CYP2J2: variants seen among roughly 807,000 people sequenced by gnomAD.
CYP2J2 encodes cytochrome P450 2J2.
A neutral mutation model predicts 48.8 loss-of-function variants in CYP2J2; 41 were observed. The ratio of observed to expected loss-of-function variants is 0.84; its 90% CI spans 0.66 to 1.09. CYP2J2 has a LOEUF of 1.09. CYP2J2 is among the 50% of genes least tolerant of loss of function. The pLI, the probability that CYP2J2 is intolerant of heterozygous loss-of-function variation, is 0.00. For missense variants in CYP2J2, 644 were observed against 617.3 expected (o/e 1.04, Z -0.46); for synonymous variants, 221 against 227.1 (o/e 0.97, Z 0.24).
intron 8 of CYP2J2, among the ~76,000 whole-genome samples, chr1:59,895,825 T>A (rs1385255236): frequency 6.6e-6 from 1 of 152,216 alleles, no homozygotes; most frequent in African/African-American, 2.4e-5. Flanking sequence ...TCGCGATTTT[T>A]AAAATTCTGT....
At chr1:59,932,209 A>G in the CYP2J2 span, among the ~76,000 whole-genome samples, 2 of 152,134 alleles carry the variant, frequency 1.3e-5, no homozygotes, top group African/African-American at 2.4e-5. Context: ...AGGCTAATCT[A>G]TACAGGTATG....
chr1:59,913,499 A>G (rs1455044011), intron 2 of CYP2J2, among the ~76,000 whole-genome samples: 3 of 152,148 alleles, frequency 2.0e-5, no homozygotes, highest in Non-Finnish European at 4.4e-5. Context: ...CTTTTCACCC[A>G]TGCCCAACTA....
chr1:59,902,289 T>A (rs999676592), intron 7 of CYP2J2, among the ~76,000 whole-genome samples: 2 of 152,210 alleles, frequency 1.3e-5, no homozygotes, highest in African/African-American at 4.8e-5. Flanking sequence ...TGTACTTGCA[T>A]GATTACTTTT....
chr1:59,961,906 T>C, the CYP2J2 span, among the ~76,000 whole-genome samples: 13 of 152,262 alleles, frequency 8.5e-5, no homozygotes, highest in Non-Finnish European at 1.8e-4. Context: ...AGGCCACATA[T>C]AGTATGATTG....
chr1:59,903,398 G>A (rs969622970), intron 7 of CYP2J2, among the ~76,000 whole-genome samples: 3 of 152,182 alleles, frequency 2.0e-5, no homozygotes, highest in Non-Finnish European at 4.4e-5. Flanking sequence ...CGAATGGAGT[G>A]ACATCAGAAT....
chr1:59,965,899 G>T, the CYP2J2 span, among the ~76,000 whole-genome samples: 12 of 152,050 alleles, frequency 7.9e-5, no homozygotes, highest in Non-Finnish European at 1.6e-4. Flanking sequence ...TGATCCACCT[G>T]CCTCAGCCTC....
chr1:59,903,014 A>G (rs1644334282), intron 7 of CYP2J2, among the ~76,000 whole-genome samples: 2 of 152,360 alleles, frequency 1.3e-5, no homozygotes, highest in South Asian at 4.1e-4. Flanking sequence ...AAAAATCAGC[A>G]GCAGCAGAAG....
the CYP2J2 span, among the ~76,000 whole-genome samples, chr1:59,933,068 T>G: frequency 6.6e-6 from 1 of 152,200 alleles, no homozygotes; most frequent in Non-Finnish European, 1.5e-5. Flanking sequence ...AAATGAATGA[T>G]GCAATGTTAC....
chr1:59,934,989 G>GATATATATATATATATATATATACACAT, the CYP2J2 span, among the ~76,000 whole-genome samples: 2 of 58,390 alleles, frequency 3.4e-5, no homozygotes, highest in Non-Finnish European at 6.9e-5. Context: ...AAGAAAATGG[G>GATATATATATATATATATATATACACAT]ATATATATAT....
At chr1:59,916,213 CTGTG>C (rs1174619086) in intron 1 of CYP2J2, 113 bp from the exon 2 acceptor site, 2 of 847,890 alleles carry the variant, frequency 2.4e-6, no homozygotes, top group African/African-American at 1.7e-5. Context: ...GTGTCTGTGT[CTGTG>C]TGTGTACGTG....
chr1:59,931,481 A>G (rs61790300), upstream of CYP2J2, among the ~76,000 whole-genome samples: 5 of 152,158 alleles, frequency 3.3e-5, no homozygotes, highest in Non-Finnish European at 1.5e-5. Context: ...TTTTTTTTAA[A>G]TTAAAGCACA....
At chr1:59,901,468 C>T (rs1159888353) in intron 7 of CYP2J2, among the ~76,000 whole-genome samples, 1 of 152,174 alleles carries the variant, frequency 6.6e-6, no homozygotes, top group Non-Finnish European at 1.5e-5. Context: ...AAAACCAGCC[C>T]AGCTGCTCAG....
intron 8 of CYP2J2, among the ~76,000 whole-genome samples, chr1:59,897,302 G>T (rs1007400877): frequency 6.6e-6 from 1 of 152,184 alleles, no homozygotes; most frequent in African/African-American, 2.4e-5. Flanking sequence ...CAGGGTTAAA[G>T]AACTGGCTTC....
At chr1:59,960,561 G>T in the CYP2J2 span, among the ~76,000 whole-genome samples, 97 of 152,302 alleles carry the variant, frequency 6.4e-4, no homozygotes, top group African/African-American at 2.2e-3. Flanking sequence ...CATATTTTTG[G>T]AATGAATACT....
the CYP2J2 span, among the ~76,000 whole-genome samples, chr1:59,947,976 T>C: frequency 2.6e-5 from 4 of 152,170 alleles, no homozygotes; most frequent in African/African-American, 7.2e-5. Flanking sequence ...AAGAATGCAA[T>C]GGTTCTTTCG....
At chr1:59,895,157 C>CAGGGTT (rs1212805460) in intron 8 of CYP2J2, among the ~76,000 whole-genome samples, 1 of 152,212 alleles carries the variant, frequency 6.6e-6, no homozygotes. Flanking sequence ...AGGTCCCATT[C>CAGGGTT]AGGGTTACCA....
In CYP2J2 at chr1:59,912,185, G is replaced by T. The variant is rs1644423181; in HGVS notation, c.500C>A (p.Thr167Asn). ...ERIQEEAQHLTEAIKEENGQP... is the reference protein window; with the variant it reads ...ERIQEEAQHLNEAIKEENGQP... ...ACCGTTCTCCTCTTTTATTGCTTCA[G>T]TGAGGTGTTGGGCCTCCTCCTGAAT... The change falls in exon 3 of 9, where the codon ACT (threonine) becomes AAT (asparagine). Residue 167 changes from threonine to asparagine, a missense_variant. By Grantham distance (65) the Thr-to-Asn change is moderately conservative. Transcript: ENST00000371204. The T allele has an allele frequency of 1.9e-6, 3 of 1,613,570 alleles. No homozygotes were observed. Among genetic ancestry groups the T allele is most frequent in the South Asian group, 1.1e-5 (1 of 90,962 alleles).
intron 2 of CYP2J2, chr1:59,912,856 C>T (rs1163769082): frequency 6.6e-6 from 1 of 152,140 alleles, no homozygotes; most frequent in Admixed American, 6.5e-5. Flanking sequence ...CTAACCTGGA[C>T]ATTAAAAGAT....
intron 1 of CYP2J2, 147 bp from the exon 2 acceptor site, chr1:59,916,247 G>C (rs1265958273): frequency 1.2e-5 from 7 of 587,650 alleles, no homozygotes; most frequent in Non-Finnish European, 2.0e-5. Context: ...GTGTGTGTGA[G>C]TGAGTGTACA....
Sources: allele counts gnomAD v4.1 joint callset (sites outside exome capture counted in the v4.1 genomes callset), GRCh38; gene constraint gnomAD v4.1.1; transcripts MANE v1.5; gene names NCBI Gene and HGNC (gene_info 2026-07-23, HGNC 2026-07-21).